PHKB: variants seen among roughly 807,000 people sequenced by gnomAD.
PHKB encodes the protein phosphorylase b kinase regulatory subunit beta.
In PHKB, 122 loss-of-function variants were observed where a neutral mutation model predicts 152.1. That is an observed-to-expected ratio of 0.80 (90% confidence interval 0.69 to 0.93). PHKB has a LOEUF of 0.93. Among genes scored for constraint, PHKB ranks in the 40% least tolerant of loss-of-function variants. The pLI, the probability that PHKB is intolerant of heterozygous loss-of-function variation, is 0.00. For missense variants in PHKB, 1,304 were observed against 1,328.4 expected (o/e 0.98, Z 0.29); for synonymous variants, 436 against 464.9 (o/e 0.94, Z 0.80).
In PHKB at chr16:47,660,477, G is replaced by T. The variant is rs536752687; in HGVS notation, c.1972-29G>T. ...AGAGTATGGCTTGATGTATCTAAGA[G>T]TTTCTAATCTTTTTCGATCACGTTT... is the stretch of plus-strand genomic sequence containing the variant. On this transcript the variant is annotated intron_variant, in intron 20 of 30. Transcript: ENST00000323584. 1.8e-4 allele frequency: 285 copies of T among 1,585,902 alleles called. 5 individuals carry two copies. The South Asian group carries it at 2.9e-3, about 16-fold the overall frequency.
At chr16:47,503,154 C>T (rs989608264) in intron 4 of PHKB, 64 bp downstream of exon 4, 16 of 1,061,630 alleles carry the variant, frequency 1.5e-5, no homozygotes, top group Admixed American at 3.6e-5. Context: ...TAACTAGTAT[C>T]GCAATGGTTT....
At chr16:47,573,729 T>C (rs1218984611) in intron 7 of PHKB, among the ~76,000 whole-genome samples, 2 of 152,228 alleles carry the variant, frequency 1.3e-5, no homozygotes, top group African/African-American at 4.8e-5. Context: ...GCCTGCTTCC[T>C]GCTCACCTCT....
intron 20 of PHKB, among the ~76,000 whole-genome samples, chr16:47,659,157 G>A (rs994983452): frequency 6.8e-6 from 1 of 146,228 alleles, no homozygotes; most frequent in Non-Finnish European, 1.5e-5. Flanking sequence ...TGCATATTCG[G>A]CCTTTCTCAC....
chr16:47,631,920 A>C (rs1972834787), intron 14 of PHKB, among the ~76,000 whole-genome samples: 1 of 152,152 alleles, frequency 6.6e-6, no homozygotes, highest in Non-Finnish European at 1.5e-5. Flanking sequence ...ACAGTGCCAC[A>C]ATTAGTTCAA....
At chr16:47,689,487 C>G (rs1373379232) in intron 27 of PHKB, among the ~76,000 whole-genome samples, 1 of 152,140 alleles carries the variant, frequency 6.6e-6, no homozygotes, top group Non-Finnish European at 1.5e-5. Context: ...CCTTTCTGAA[C>G]CTTTGTGGCA....
chr16:47,650,406 G>A (rs1597150793), intron 18 of PHKB, 138 bp from the exon 19 acceptor site: 2 of 689,568 alleles, frequency 2.9e-6, no homozygotes, highest in East Asian at 5.4e-5. Flanking sequence ...CTACCCCTAA[G>A]TAGTCTAAGT....
At position 47,641,620 on chromosome 16, in the gene PHKB, A is replaced by AAGTTTTTCTGAACAC. The variant is rs1567338179; in HGVS notation, c.1536_1537insAGTTTTTCTGAACAC (p.Thr512_Tyr513insSerPheSerGluHis). On this transcript the variant is annotated inframe_insertion, in exon 16 of 31. Transcript: ENST00000323584. Reference sequence around the variant, plus strand: ...TTAGACTTCAAGTTTTTCTGAACACATATGGTATTCAAACTCAAACTCCTC... The same window carrying AAGTTTTTCTGAACAC: ...TTAGACTTCAAGTTTTTCTGAACACAAGTTTTTCTGAACACTATGGTATTCAAACTCAAACTCCTC... 1 of 1,591,054 alleles carries AAGTTTTTCTGAACAC rather than the reference A, an allele frequency of 6.3e-7. No homozygotes were observed. The highest frequency in any genetic ancestry group is 2.2e-5 in the East Asian group (1 of 44,754).
chr16:47,699,361 A>G lies in PHKB; in HGVS notation c.3277A>G (p.Ser1093Gly). The stretch of plus-strand genomic sequence containing the variant: ...AAACAATGATGACCCGTGTCTGATT[A>G]GCTAGTGGGGAAGGTGTAGGAAGCT... ...KPNNDDPCLI[S>G] The change falls in exon 31 of 31, where the codon AGC becomes GGC. Residue 1093 changes from serine to glycine, a missense_variant. Physicochemically the swap from Ser to Gly is moderately conservative, Grantham distance 56. Coordinates refer to ENST00000323584, the MANE Select transcript of PHKB (RefSeq NM_000293.3). 2 of 1,614,162 alleles carry G rather than the reference A, an allele frequency of 1.2e-6. No individual in the cohort carries two copies. Among genetic ancestry groups the G allele is most frequent in the Non-Finnish European group, 1.7e-6 (2 of 1,180,004 alleles).
chr16:47,647,480 TG>T (rs1387442978), intron 16 of PHKB, among the ~76,000 whole-genome samples: 2 of 151,538 alleles, frequency 1.3e-5, no homozygotes, highest in African/African-American at 4.8e-5. Flanking sequence ...GTACAGAAAA[TG>T]CATAGACTCA....
Position 47,640,078 on chromosome 16 carries a change from C to T in PHKB, c.1459-957C>T, listed in dbSNP as rs144561989. ...AAGTCTGCGTGAAATGGCACTTTGA[C>T]GATGATTCTGGGAACCATCCCTTTG... On this transcript the variant is annotated intron_variant, in intron 14 of 30. Coordinates refer to ENST00000323584, the MANE Select transcript of PHKB (RefSeq NM_000293.3). 2.4e-3 allele frequency among the ~76,000 whole-genome samples: 363 copies of T among 152,262 alleles called. 3 individuals are homozygous for T. The highest frequency in any genetic ancestry group is 8.0e-3 in the African/African-American group (334 of 41,570).
At chr16:47,545,683 C>T (rs572629740) in intron 6 of PHKB, among the ~76,000 whole-genome samples, 5 of 152,146 alleles carry the variant, frequency 3.3e-5, no homozygotes, top group African/African-American at 1.2e-4. Context: ...TATCTTGAAG[C>T]GTGTTTTCCA....
At chr16:47,660,149 A>G (rs2151736470) in intron 20 of PHKB, among the ~76,000 whole-genome samples, 1 of 152,328 alleles carries the variant, frequency 6.6e-6, no homozygotes, top group African/African-American at 2.4e-5. Flanking sequence ...GGCATGAGCC[A>G]CTGCACCCTG....
intron 4 of PHKB, among the ~76,000 whole-genome samples, chr16:47,503,388 G>A (rs534950507): frequency 5.6e-4 from 85 of 152,218 alleles, no homozygotes; most frequent in African/African-American, 2.0e-3. Flanking sequence ...TCACAATATC[G>A]ATAATTCTAA....
chr16:47,613,016 AG>A (rs1413486971), intron 14 of PHKB, among the ~76,000 whole-genome samples: 1 of 152,184 alleles, frequency 6.6e-6, no homozygotes, highest in Non-Finnish European at 1.5e-5. Flanking sequence ...GGAATTCACT[AG>A]GTGCTTTAAA....
intron 8 of PHKB, among the ~76,000 whole-genome samples, chr16:47,583,824 A>G (rs767631311): frequency 1.3e-5 from 2 of 152,188 alleles, no homozygotes; most frequent in African/African-American, 2.4e-5. Context: ...TTTTCTTTGA[A>G]AACTCTTAAG....
chr16:47,461,527 T>G lies in PHKB; in HGVS notation c.76+101T>G. 3.3e-6 allele frequency: 4 copies of G among 1,194,954 alleles called. No homozygotes were observed. The South Asian group carries it at 5.0e-5, about 15-fold the overall frequency. 74.0% of individuals were successfully genotyped at this position (1,194,954 alleles called of 1,614,324 possible). The stretch of plus-strand genomic sequence containing the variant: ...CAGGTGGGGGCCCTGGGAATGAACC[T>G]GTGCCCCGAGTTCCTCCTTAGAAAG... On this transcript the variant is annotated intron_variant, in intron 1 of 30. Transcript: ENST00000323584.
intron 16 of PHKB, among the ~76,000 whole-genome samples, chr16:47,643,893 C>G (rs540486696): frequency 6.6e-6 from 1 of 152,212 alleles, no homozygotes; most frequent in South Asian, 2.1e-4. Flanking sequence ...ATACAGAATT[C>G]TGCTCTATGT....
intron 14 of PHKB, among the ~76,000 whole-genome samples, chr16:47,625,393 A>C (rs1481613247): frequency 7.9e-5 from 12 of 152,214 alleles, no homozygotes; most frequent in Non-Finnish European, 1.6e-4. Flanking sequence ...GATGAAAGCC[A>C]AATGCCTTGT....
Position 47,698,439 on chromosome 16 carries a change from C to T in PHKB, c.3004-9C>T. 1.9e-6 allele frequency: 3 copies of T among 1,605,944 alleles called. No homozygotes were observed. Among genetic ancestry groups the T allele is most frequent in the Non-Finnish European group, 2.6e-6 (3 of 1,172,818 alleles). On this transcript the variant is annotated splice_polypyrimidine_tract_variant and intron_variant, in intron 29 of 30. Coordinates refer to ENST00000323584, the MANE Select transcript of PHKB (RefSeq NM_000293.3). ...CATATAGTTGGCTTTCAATGTCTGT[C>T]TCTTCTAGTTACTTATGGTTGTATC...
Sources: gnomAD v4.1 joint callset for allele counts (sites outside exome capture counted in the v4.1 genomes callset) on GRCh38, gnomAD v4.1.1 for gene constraint, MANE v1.5 for transcripts, NCBI Gene and HGNC (gene_info 2026-07-23, HGNC 2026-07-21) for gene names.